Variants in PASK observed in about 807,000 individuals in gnomAD.
PASK encodes the protein PAS domain-containing serine/threonine-protein kinase.
Under a neutral mutation model 121.0 loss-of-function variants are expected in PASK, and 110 were observed. That is an observed-to-expected ratio of 0.91 (90% confidence interval 0.78 to 1.06). PASK has a LOEUF of 1.06. Ranked by LOEUF, PASK falls within the 50% of genes least tolerant of loss-of-function variation. PASK has a pLI of 0.00. For synonymous variants in PASK, 686 were observed against 717.8 expected (o/e 0.96, Z 0.71); for missense variants, 1,643 against 1,702.3 (o/e 0.97, Z 0.61).
At chr2:241,142,331 C>A (rs1028635736) in intron 2 of PASK, among the ~76,000 whole-genome samples, 4 of 152,240 alleles carry the variant, frequency 2.6e-5, no homozygotes, top group African/African-American at 7.2e-5. Flanking sequence ...CCCTGAAAGG[C>A]AAGTGACGCT....
At chr2:241,133,968 G>T (rs1483499511) in intron 8 of PASK, 1 of 134,498 alleles carries the variant, frequency 7.4e-6, no homozygotes, top group Non-Finnish European at 1.6e-5. Flanking sequence ...AGCAACAAGA[G>T]CGAAACTCTG....
chr2:241,106,465 G>T lies in PASK; in HGVS notation c.*101C>A. ...ACCTGCACATGAGTTTTTAGAAGGT[G>T]AATTGGGGATGCTTCAGAATGTATT... On this transcript the variant is annotated 3_prime_UTR_variant, in exon 18 of 18. Coordinates refer to ENST00000234040, the MANE Select transcript of PASK (RefSeq NM_015148.4). 1.6e-6 allele frequency: 2 copies of T among 1,214,730 alleles called. No homozygotes were observed. Among genetic ancestry groups the T allele is most frequent in the Non-Finnish European group, 2.4e-6 (2 of 819,816 alleles). The allele number at this position is 1,214,730 out of a possible 1,614,324, so 75.2% of individuals were successfully genotyped here. A position where few individuals can be genotyped will look rare whatever the true frequency, so the allele number is the denominator to read the frequency against.
chr2:241,138,219 T>C lies in PASK; in HGVS notation c.742-132A>G, dbSNP rs1575328331. 5.8e-6 allele frequency: 5 copies of C among 868,382 alleles called. 1 individual carries two copies. The South Asian group carries it at 5.8e-5, about 10-fold the overall frequency. The allele number at this position is 868,382 out of a possible 1,614,324, so 53.8% of individuals were successfully genotyped here. On this transcript the variant is annotated intron_variant, in intron 5 of 17. Transcript: ENST00000234040. ...CTCCATCGGAAGGGCAAGAGACATA[T>C]ACACATGAATTTGATAAGAGCTTCA...
At chr2:241,145,732 G>A (rs2066924121) in intron 1 of PASK, 1 of 151,416 alleles carries the variant, frequency 6.6e-6, no homozygotes, top group Non-Finnish European at 1.5e-5. Context: ...AAAATTAGCT[G>A]AGCATGGTGG....
intron 9 of PASK, among the ~76,000 whole-genome samples, chr2:241,131,938 C>T (rs927225358): frequency 5.9e-5 from 9 of 151,366 alleles, no homozygotes; most frequent in African/African-American, 1.9e-4. Context: ...CCTGTAGTCT[C>T]AGCTACTCAG....
intron 17 of PASK, among the ~76,000 whole-genome samples, chr2:241,106,988 G>A (rs909789297): frequency 3.3e-5 from 5 of 152,232 alleles, no homozygotes; most frequent in Admixed American, 1.3e-4. Flanking sequence ...CCCGCCGGCT[G>A]CTAGAGAATC....
At chr2:241,132,492 G>GCACTCCA (rs144953608) in intron 9 of PASK, among the ~76,000 whole-genome samples, 10,963 of 126,540 alleles carry the variant, frequency 0.087, 553 homozygotes, top group East Asian at 0.22. Flanking sequence ...TCGCACCACT[G>GCACTCCA]CACTCCAGCC....
At chr2:241,135,725 A>G in intron 8 of PASK, 146 bp downstream of exon 8, 1 of 639,338 alleles carries the variant, frequency 1.6e-6, no homozygotes, top group East Asian at 2.7e-5. Context: ...CAAACCAGAA[A>G]ACAGTCACCC....
At chr2:241,144,103 C>G (rs1011726952) in intron 1 of PASK, among the ~76,000 whole-genome samples, 5 of 151,586 alleles carry the variant, frequency 3.3e-5, no homozygotes, top group African/African-American at 1.2e-4. Flanking sequence ...TGTGGGTGTG[C>G]GTGTGTGTCC....
At chr2:241,132,114 G>A (rs1426276987) in intron 9 of PASK, among the ~76,000 whole-genome samples, 1 of 151,070 alleles carries the variant, frequency 6.6e-6, no homozygotes, top group Non-Finnish European at 1.5e-5. Flanking sequence ...ACACACACGT[G>A]CTATGTACAA....
Position 241,108,304 on chromosome 2 carries a change from T to TGAG in PASK, c.3534-7_3534-5dup. The TGAG allele has an allele frequency of 6.2e-7, 1 of 1,612,372 alleles. No homozygotes were observed. The highest frequency in any genetic ancestry group is 8.5e-7 in the Non-Finnish European group (1 of 1,178,700). On this transcript the variant is annotated splice_polypyrimidine_tract_variant and splice_region_variant and intron_variant, in intron 15 of 17. Coordinates refer to ENST00000234040, the MANE Select transcript of PASK (RefSeq NM_015148.4). This position sits in a 1 kb window ranked among gnomAD's most constrained non-coding sequence, Gnocchi z 5.2. ...CTCCAGCTCCGGCCCTCTGTAGCTGTGAGGAGGAGGAGGCATCAGGACGCC... is the reference window on the plus strand; with the variant it reads ...CTCCAGCTCCGGCCCTCTGTAGCTGTGAGGAGGAGGAGGAGGCATCAGGACGCC...
In PASK at chr2:241,112,311, T is replaced by G; in HGVS notation, c.3462A>C (p.Glu1154Asp). The change falls in exon 15 of 18, where the codon GAA becomes GAC. Residue 1154 changes from glutamate (E) to aspartate (D), a missense_variant. This residue lies in a region of PASK where 453 missense variants were observed against 511.2 expected (regional missense o/e 0.89). Transcript: ENST00000234040. This position sits in a 1 kb window ranked among gnomAD's most constrained non-coding sequence, Gnocchi z 5.2. ...LIDFGSAAYL[E>D]RGKLFYTFCG... ...AAAAAGTATAAAATAATTTTCCCCTTTCCAAGTAGGCGGCCGAGCCAAAGT... is the reference window on the plus strand; with the variant it reads ...AAAAAGTATAAAATAATTTTCCCCTGTCCAAGTAGGCGGCCGAGCCAAAGT... 1 of 1,613,728 alleles carries G rather than the reference T, an allele frequency of 6.2e-7. No individual in the cohort carries two copies.
chr2:241,140,906 G>A (rs543930416), intron 2 of PASK, 153 bp from the exon 3 acceptor site: 26 of 679,766 alleles, frequency 3.8e-5, no homozygotes, highest in African/African-American at 3.4e-4. Context: ...CTCTCACTGC[G>A]TGTCTGAACA....
intron 8 of PASK, among the ~76,000 whole-genome samples, chr2:241,135,402 C>T (rs950964274): frequency 3.9e-5 from 6 of 152,060 alleles, no homozygotes; most frequent in Admixed American, 1.3e-4. Context: ...CCTCCATATA[C>T]GCCAACTTCA....
chr2:241,117,994 C>T (rs937965745), intron 12 of PASK, among the ~76,000 whole-genome samples: 15 of 152,044 alleles, frequency 9.9e-5, no homozygotes, highest in African/African-American at 3.6e-4. Context: ...CAAAACACTA[C>T]CGAAAGAAAT....
At chr2:241,122,615 G>C in intron 12 of PASK, 117 bp downstream of exon 12, 1 of 946,216 alleles carries the variant, frequency 1.1e-6, no homozygotes, top group Non-Finnish European at 1.7e-6. Flanking sequence ...CAGGTTGTGT[G>C]CTTGGTGCCA....
chr2:241,126,121 C>T, intron 10 of PASK, 75 bp downstream of exon 10: 1 of 1,352,286 alleles, frequency 7.4e-7, no homozygotes, highest in Non-Finnish European at 1.1e-6. Flanking sequence ...GACCCCAGAA[C>T]AAGGAAGGCC....
At position 241,112,545 on chromosome 2, in the gene PASK, C is replaced by T. The variant is rs147463916; in HGVS notation, c.3334-106G>A. 1.4e-4 allele frequency: 103 copies of T among 715,996 alleles called. 2 individuals are homozygous for T. Among genetic ancestry groups the T allele is most frequent in the African/African-American group, 1.1e-3 (62 of 55,734 alleles). The allele number at this position is 715,996 out of a possible 1,614,324, so 44.4% of individuals were successfully genotyped here. A position where few individuals can be genotyped will look rare whatever the true frequency, so the allele number is the denominator to read the frequency against. Reference sequence around the variant, plus strand: ...AAAACACAAAGAAAAAATAAACCTCCGACTCATAATGAACTGGGGACAGGA... The same window carrying T: ...AAAACACAAAGAAAAAATAAACCTCTGACTCATAATGAACTGGGGACAGGA... On this transcript the variant is annotated intron_variant, in intron 14 of 17. Transcript: ENST00000234040. This position sits in a 1 kb window ranked among gnomAD's most constrained non-coding sequence, Gnocchi z 5.2.
intron 2 of PASK, among the ~76,000 whole-genome samples, chr2:241,142,430 T>C (rs1175351667): frequency 6.6e-6 from 1 of 152,240 alleles, no homozygotes; most frequent in East Asian, 1.9e-4. Context: ...AACAGACTTC[T>C]GCCCCATGAT....
Sources: gnomAD v4.1 joint callset for allele counts (sites outside exome capture counted in the v4.1 genomes callset) on GRCh38, gnomAD v4.1.1 for gene constraint, gnomAD v4.1.1 regional missense constraint, Gnocchi (gnomAD v3.1) non-coding constraint, MANE v1.5 for transcripts, NCBI Gene and HGNC (gene_info 2026-07-23, HGNC 2026-07-21) for gene names.